The following PCDH11X variants were observed in gnomAD, a reference collection of about 807,000 sequenced individuals.
PCDH11X encodes protocadherin 11 X-linked.
PCDH11X carries 18 observed loss-of-function variants against 53.3 expected under a neutral mutation model. That is an observed-to-expected ratio of 0.34 (90% CI 0.23 to 0.50). The LOEUF (loss-of-function observed/expected upper bound fraction) is 0.50, where lower values mean the gene tolerates loss of function less well. Among genes scored for constraint, PCDH11X ranks in the 20% least tolerant of loss-of-function variants. PCDH11X has a pLI of 0.98. For missense variants in PCDH11X, 570 were observed against 1,032.4 expected, an observed-to-expected ratio of 0.55 and a Z score of 6.14; for synonymous variants, 279 against 393.3, an observed-to-expected ratio of 0.71 and a Z score of 3.44.
intron 10 of PCDH11X, among the ~76,000 whole-genome samples, chrX:92,575,940 T>TAC (rs1281104592): frequency 1.5e-4 from 4 of 26,545 alleles, no homozygotes; most frequent in South Asian, 2.0e-3. Flanking sequence ...TATATATATA[T>TAC]ATATACACAC....
intron 6 of PCDH11X, among the ~76,000 whole-genome samples, chrX:92,181,756 A>G (rs1037571972): frequency 8.9e-6 from 1 of 112,497 alleles, no homozygotes; most frequent in South Asian, 3.6e-4. Flanking sequence ...ATGGTGTTGA[A>G]CCTATAGGTG....
intron 6 of PCDH11X, among the ~76,000 whole-genome samples, chrX:92,074,454 C>T (rs998111932): frequency 9.0e-6 from 1 of 111,190 alleles, no homozygotes; most frequent in African/African-American, 3.3e-5. Flanking sequence ...AACAAACCTC[C>T]ATGTTTCCTA....
intron 10 of PCDH11X, among the ~76,000 whole-genome samples, chrX:92,508,209 CTTTG>C (rs1382627299): frequency 1.3e-4 from 11 of 86,043 alleles, no homozygotes; most frequent in Non-Finnish European, 1.3e-4. Context: ...AGTAACTCTA[CTTTG>C]TTTTTTTTTG....
At chrX:92,281,942 G>C in intron 8 of PCDH11X, among the ~76,000 whole-genome samples, 1 of 111,686 alleles carries the variant, frequency 9.0e-6, no homozygotes. Flanking sequence ...TCTAAGGTAA[G>C]TTGTGACATA....
At chrX:91,787,525 C>A (rs1935373473) in intron 1 of PCDH11X, among the ~76,000 whole-genome samples, 1 of 109,977 alleles carries the variant, frequency 9.1e-6, no homozygotes, top group Non-Finnish European at 1.9e-5. Flanking sequence ...TGGGCAAAAA[C>A]CTTCACCTCC....
intron 5 of PCDH11X, among the ~76,000 whole-genome samples, chrX:91,848,193 AT>A (rs745444962): frequency 5.0e-5 from 5 of 99,186 alleles, no homozygotes; most frequent in East Asian, 3.4e-4. Context: ...TAAGAGAGGA[AT>A]TTTTTTTTTG....
intron 8 of PCDH11X, among the ~76,000 whole-genome samples, chrX:92,356,844 A>G (rs1425212263): frequency 9.2e-6 from 1 of 108,213 alleles, no homozygotes; most frequent in Non-Finnish European, 1.9e-5. Flanking sequence ...AATCATCTTT[A>G]CACAGCAATT....
intron 7 of PCDH11X, among the ~76,000 whole-genome samples, chrX:92,217,987 G>T (rs1357381878): frequency 1.8e-5 from 2 of 108,194 alleles, no homozygotes; most frequent in East Asian, 5.9e-4. Flanking sequence ...CAGAAATAAA[G>T]ATGTTCTTTG....
intron 10 of PCDH11X, among the ~76,000 whole-genome samples, chrX:92,558,666 C>G (rs2075085910): frequency 9.1e-6 from 1 of 109,718 alleles, no homozygotes; most frequent in South Asian, 3.9e-4. Flanking sequence ...GGTGTAAACT[C>G]CTCTAAGTAG....
At chrX:92,282,846 T>C (rs1569454023) in intron 8 of PCDH11X, among the ~76,000 whole-genome samples, 1 of 111,486 alleles carries the variant, frequency 9.0e-6, no homozygotes, top group Non-Finnish European at 1.9e-5. Flanking sequence ...TTGAATGCTA[T>C]TTCCCGTAAT....
intron 4 of PCDH11X, among the ~76,000 whole-genome samples, chrX:91,833,424 A>G (rs772613606): frequency 9.1e-6 from 1 of 109,935 alleles, no homozygotes; most frequent in Non-Finnish European, 1.9e-5. Context: ...TATATTATGT[A>G]ATCCCAATGC....
At chrX:92,321,313 C>T (rs186797725) in intron 8 of PCDH11X, among the ~76,000 whole-genome samples, 1,102 of 107,848 alleles carry the variant, frequency 0.01, 13 homozygotes, top group African/African-American at 0.035. Flanking sequence ...CTGCCTCAGC[C>T]TCCCGAGTAG....
chrX:92,531,934 G>A (rs909492264), intron 10 of PCDH11X, among the ~76,000 whole-genome samples: 40 of 111,342 alleles, frequency 3.6e-4, no homozygotes, highest in African/African-American at 1.1e-3. Context: ...ATAATGTATT[G>A]GTGATGATAA....
chrX:92,146,840 A>T (rs1346074919), intron 6 of PCDH11X, among the ~76,000 whole-genome samples: 2 of 110,053 alleles, frequency 1.8e-5, no homozygotes, highest in Admixed American at 2.0e-4. Flanking sequence ...CTCTAATAAA[A>T]ATGCAAACAT....
At chrX:92,207,615 A>G (rs1009587845) in intron 7 of PCDH11X, among the ~76,000 whole-genome samples, 14 of 112,059 alleles carry the variant, frequency 1.2e-4, no homozygotes, top group Non-Finnish European at 2.6e-4. Flanking sequence ...ATTAAATACA[A>G]TATTTTGTAA....
At chrX:92,151,039 A>T (rs1196849340) in intron 6 of PCDH11X, among the ~76,000 whole-genome samples, 1 of 110,856 alleles carries the variant, frequency 9.0e-6, no homozygotes, top group Admixed American at 9.6e-5. Context: ...GACAAGAACC[A>T]GTATCCATGC....
rs752593462 is a variant in PCDH11X, at chrX:92,525,731, C to T, written c.3367+57409C>T. Among the ~76,000 whole-genome samples, 3 of 110,463 alleles carry T rather than the reference C, an allele frequency of 2.7e-5. No homozygotes were observed. The East Asian group carries it at 8.5e-4, about 31-fold the overall frequency. ...GAAAAGTTAATACATTCTTTATCAA[C>T]CTTGCCTTACAAATATTATAACGAT... On this transcript the variant is annotated intron_variant, in intron 10 of 10. Coordinates refer to ENST00000682573, the MANE Select transcript of PCDH11X (RefSeq NM_032968.5).
At chrX:91,973,731 C>T (rs1225878972) in intron 6 of PCDH11X, among the ~76,000 whole-genome samples, 2 of 103,899 alleles carry the variant, frequency 1.9e-5, no homozygotes, top group African/African-American at 3.5e-5. Flanking sequence ...TCTCCTGCCT[C>T]AGACTCCCAA....
Position 92,481,290 on chromosome X carries a change from ACACACACACCC to A in PCDH11X, c.3367+12978_3367+12988del, listed in dbSNP as rs373979259. Among the ~76,000 whole-genome samples the A allele has an allele frequency of 4.0e-5, 3 of 74,097 alleles. No individual in the cohort carries two copies. In the Admixed American group the frequency reaches 4.4e-4, roughly 11 times the overall value. 64.3% of individuals were successfully genotyped at this position (74,097 alleles called of 115,157 possible). ...AGCAGTGGAAGGGCAGGGTTCACAC[ACACACACACCC>A]CACACACACACACCCCACACACACA... On this transcript the variant is annotated intron_variant, in intron 10 of 10. Coordinates refer to ENST00000682573, the MANE Select transcript of PCDH11X (RefSeq NM_032968.5).
Sources: allele counts gnomAD v4.1 joint callset (sites outside exome capture counted in the v4.1 genomes callset), GRCh38; gene constraint gnomAD v4.1.1; transcripts MANE v1.5; gene names NCBI Gene and HGNC (gene_info 2026-07-23, HGNC 2026-07-21).